PUDP: variants seen among roughly 807,000 people sequenced by gnomAD.
The protein encoded by PUDP is pseudouridine-5'-phosphatase.
A neutral mutation model predicts 9.4 loss-of-function variants in PUDP; 8 were observed. The observed-to-expected ratio is 0.85, with a 90% CI of 0.50 to 1.53. PUDP has a LOEUF of 1.53. Ranked by LOEUF, PUDP falls within the 40% of genes most tolerant of loss-of-function variation. The pLI is 0.00. For synonymous variants in PUDP, 99 were observed against 80.7 expected (o/e 1.23, Z -1.22); for missense variants, 188 against 189.7 (o/e 0.99, Z 0.05).
chrX:7,126,673 G>C (rs1218570202), intron 1 of PUDP, among the ~76,000 whole-genome samples: 2 of 110,707 alleles, frequency 1.8e-5, no homozygotes, highest in Non-Finnish European at 3.8e-5. Flanking sequence ...AGTCCCATTG[G>C]ATTAGGACAT....
chrX:6,716,685 T>G (rs1490245765), intron 1 of PUDP, among the ~76,000 whole-genome samples: 1 of 110,175 alleles, frequency 9.1e-6, no homozygotes, highest in Non-Finnish European at 1.9e-5. Context: ...CAGGCTGGAG[T>G]GCAGTGGCAC....
intron 3 of PUDP, among the ~76,000 whole-genome samples, chrX:6,857,048 T>C (rs2146725852): frequency 8.9e-6 from 1 of 112,810 alleles, no homozygotes; most frequent in African/African-American, 3.2e-5. Context: ...AACGAAAGAA[T>C]GTCCATGTTC....
intron 3 of PUDP, among the ~76,000 whole-genome samples, chrX:6,827,880 C>T (rs1299659389): frequency 8.9e-6 from 1 of 112,173 alleles, no homozygotes; most frequent in African/African-American, 3.2e-5. Flanking sequence ...ACAATTCATA[C>T]TGGATATTTG....
At chrX:6,774,805 C>T (rs999431610) in intron 3 of PUDP, among the ~76,000 whole-genome samples, 2 of 112,140 alleles carry the variant, frequency 1.8e-5, no homozygotes, top group Non-Finnish European at 3.8e-5. Flanking sequence ...TCAGCCTTTG[C>T]GACTATTGTT....
intron 3 of PUDP, among the ~76,000 whole-genome samples, chrX:6,742,295 C>T (rs919349111): frequency 8.9e-6 from 1 of 112,584 alleles, no homozygotes; most frequent in Non-Finnish European, 1.9e-5. Context: ...CAAATCACTG[C>T]CCACAGGCCA....
At chrX:6,822,549 C>G (rs1218317121) in intron 3 of PUDP, among the ~76,000 whole-genome samples, 1 of 112,026 alleles carries the variant, frequency 8.9e-6, no homozygotes, top group Non-Finnish European at 1.9e-5. Flanking sequence ...GCCTCAGCCT[C>G]CCGAGTAGCT....
At chrX:6,894,251 G>A (rs1381343999) in intron 3 of PUDP, among the ~76,000 whole-genome samples, 5 of 111,045 alleles carry the variant, frequency 4.5e-5, no homozygotes, top group Non-Finnish European at 9.4e-5. Flanking sequence ...ACCACGGAGC[G>A]TAAAATAAAA....
intron 3 of PUDP, among the ~76,000 whole-genome samples, chrX:6,815,566 T>C (rs773640376): frequency 9.0e-6 from 1 of 111,437 alleles, no homozygotes; most frequent in Admixed American, 9.6e-5. Context: ...CCTTGCCAAA[T>C]CAGAATCTCT....
At chrX:6,876,974 C>CACACACAT (rs538914519) in intron 3 of PUDP, among the ~76,000 whole-genome samples, 8,911 of 107,202 alleles carry the variant, frequency 0.083, 473 homozygotes, top group East Asian at 0.41. Flanking sequence ...CACACACACA[C>CACACACAT]ACATAACACT....
At chrX:6,728,684 A>C (rs1034543730) in intron 3 of PUDP, among the ~76,000 whole-genome samples, 1 of 111,520 alleles carries the variant, frequency 9.0e-6, no homozygotes, top group Non-Finnish European at 1.9e-5. Context: ...TATTAAAGAG[A>C]GCTCTTGGTT....
Position 6,907,822 on chromosome X carries a change from C to T in PUDP, c.*247+69311G>A, listed in dbSNP as rs767300776. 2.7e-5 allele frequency among the ~76,000 whole-genome samples: 3 copies of T among 111,568 alleles called. No homozygotes were observed. In the South Asian group the frequency reaches 1.1e-3, roughly 42 times the overall value. ...GATGGGCAAGAGGGTGAAGGGTACC[C>T]GCTTCCTAAGAGAAAAAGGCAAAGG... On this transcript the variant is annotated intron_variant and NMD_transcript_variant, in intron 3 of 3. Transcript: ENST00000655425.
chrX:6,759,922 C>T (rs921554854), intron 3 of PUDP, among the ~76,000 whole-genome samples: 1 of 112,395 alleles, frequency 8.9e-6, no homozygotes, highest in African/African-American at 3.2e-5. Flanking sequence ...CCCTCGATAT[C>T]ATGGCACCCT....
At chrX:6,943,976 C>T (rs1413822123) in intron 3 of PUDP, among the ~76,000 whole-genome samples, 2 of 111,908 alleles carry the variant, frequency 1.8e-5, no homozygotes, top group African/African-American at 3.2e-5. Context: ...AATTTCATTC[C>T]TTCCATTTGG....
intron 3 of PUDP, among the ~76,000 whole-genome samples, chrX:6,971,853 A>C (rs1349777788): frequency 8.9e-6 from 1 of 111,805 alleles, no homozygotes; most frequent in African/African-American, 3.3e-5. Flanking sequence ...ATGAGCATGG[A>C]ATGTTTTTCC....
chrX:7,079,254 A>AT (rs1931009534), intron 2 of PUDP, among the ~76,000 whole-genome samples: 18 of 112,906 alleles, frequency 1.6e-4, no homozygotes, highest in Admixed American at 1.5e-3. Flanking sequence ...TCATAATGAC[A>AT]AATAGATCAG....
intron 3 of PUDP, among the ~76,000 whole-genome samples, chrX:6,867,596 GTGT>G (rs1315898682): frequency 1.8e-5 from 2 of 110,660 alleles, no homozygotes; most frequent in Non-Finnish European, 3.8e-5. Flanking sequence ...AGTGGTGACG[GTGT>G]TGTTGGTGAT....
intron 3 of PUDP, among the ~76,000 whole-genome samples, chrX:6,899,019 T>C (rs1223755368): frequency 8.9e-6 from 1 of 112,094 alleles, no homozygotes; most frequent in Non-Finnish European, 1.9e-5. Context: ...AGAGGGCTGG[T>C]TGAAGATCCA....
intron 3 of PUDP, among the ~76,000 whole-genome samples, chrX:6,739,082 A>G (rs1924906565): frequency 9.0e-6 from 1 of 111,361 alleles, no homozygotes; most frequent in African/African-American, 3.3e-5. Context: ...GAGAACAACT[A>G]TTTGCATGTT....
chrX:6,931,590 T>A (rs972282162), intron 3 of PUDP, among the ~76,000 whole-genome samples: 1 of 112,366 alleles, frequency 8.9e-6, no homozygotes, highest in African/African-American at 3.2e-5. Flanking sequence ...ATTTGCTATT[T>A]CTGTGTCCGT....
Sources: gnomAD v4.1 joint callset for allele counts (sites outside exome capture counted in the v4.1 genomes callset) on GRCh38, gnomAD v4.1.1 for gene constraint, MANE v1.5 for transcripts, NCBI Gene and HGNC (gene_info 2026-07-23, HGNC 2026-07-21) for gene names.